The following SP6 variants were observed in gnomAD, a reference collection of about 807,000 sequenced individuals.
The protein encoded by SP6 is transcription factor Sp6.
Under a neutral mutation model 23.4 loss-of-function variants are expected in SP6, and 10 were observed. The ratio of observed to expected loss-of-function variants is 0.43; its 90% confidence interval spans 0.26 to 0.72. The LOEUF is 0.72. SP6 is among the 30% of genes least tolerant of loss of function. SP6 has a pLI of 0.23. For synonymous variants in SP6, 238 were observed against 238.7 expected, an observed-to-expected ratio of 1.00 and a Z score of 0.03; for missense variants, 482 against 523.8, an observed-to-expected ratio of 0.92 and a Z score of 0.78.
chr17:47,855,882 T>G (rs576382425), upstream of SP6: 2 of 152,250 alleles, frequency 1.3e-5, no homozygotes, highest in African/African-American at 4.8e-5. Flanking sequence ...GTCCGTGAGG[T>G]CTGCCAGGAA....
Position 47,847,686 on chromosome 17 carries a change from G to T in SP6, c.744C>A (p.Gly248=). ...RLGAPCGPDG[G]KKKHLHNCHI... Reference sequence around the variant, plus strand: ...GGCAGTTGTGCAAATGCTTCTTCTTGCCCCCATCGGGCCCACATGGAGCCC... The same window carrying T: ...GGCAGTTGTGCAAATGCTTCTTCTTTCCCCCATCGGGCCCACATGGAGCCC... Residue 248 remains glycine (G), a synonymous_variant, in exon 2 of 2, where the codon GGC becomes GGA. Transcript: ENST00000536300. The T allele has an allele frequency of 6.2e-7, 1 of 1,609,264 alleles. No individual in the cohort carries two copies. Among genetic ancestry groups the T allele is most frequent in the Non-Finnish European group, 8.5e-7 (1 of 1,177,460 alleles).
chr17:47,863,030 G>A, the SP6 span, among the ~76,000 whole-genome samples: 6 of 152,266 alleles, frequency 3.9e-5, no homozygotes, highest in Non-Finnish European at 7.3e-5. Context: ...GGCGCCCAGC[G>A]CCAAGCAGCG....
In SP6 at chr17:47,846,555, G is replaced by A. The variant is rs887346610; in HGVS notation, c.*744C>T. On this transcript the variant is annotated 3_prime_UTR_variant, in exon 2 of 2. Coordinates refer to ENST00000536300, the MANE Select transcript of SP6 (RefSeq NM_001258248.2). ...ATCCCTATCTCTCATTTTAGAAGAG[G>A]ACTTCCCTACTCGCCCCCTCCATCT... 3 of 152,162 alleles carry A rather than the reference G, an allele frequency of 2.0e-5. No homozygotes were observed. The highest frequency in any genetic ancestry group is 4.4e-5 in the Non-Finnish European group (3 of 68,020). The allele number at this position is 152,162 out of a possible 1,614,324, so 9.4% of individuals were successfully genotyped here.
In SP6 at chr17:47,848,839, T is replaced by C. The variant is rs1263082394; in HGVS notation, c.-57-353A>G. On this transcript the variant is annotated intron_variant, in intron 1 of 1. Coordinates refer to ENST00000536300, the MANE Select transcript of SP6 (RefSeq NM_001258248.2). The surrounding 1 kb of genome is among the most constrained non-coding windows in gnomAD (Gnocchi z 5.3). The stretch of plus-strand genomic sequence containing the variant: ...GCCAACACAAGGGGCAGTGGCATTT[T>C]CCCCCTGCAGACCTGCTGTCAGCCC... 1.3e-5 allele frequency among the ~76,000 whole-genome samples: 2 copies of C among 151,930 alleles called. No individual in the cohort carries two copies. The highest frequency in any genetic ancestry group is 2.9e-5 in the Non-Finnish European group (2 of 67,976).
the SP6 span, among the ~76,000 whole-genome samples, chr17:47,869,076 C>T: frequency 6.6e-6 from 1 of 152,208 alleles, no homozygotes; most frequent in Non-Finnish European, 1.5e-5. Context: ...ATATCTTGGC[C>T]CTGGGCTCCC....
upstream of SP6, among the ~76,000 whole-genome samples, chr17:47,858,112 C>T (rs887495907): frequency 2.6e-5 from 4 of 152,150 alleles, no homozygotes; most frequent in Admixed American, 6.5e-5. Context: ...CCTCCCGCCC[C>T]TAGCTGCTAA....
At chr17:47,870,250 C>A in the SP6 span, among the ~76,000 whole-genome samples, 1 of 152,192 alleles carries the variant, frequency 6.6e-6, no homozygotes, top group African/African-American at 2.4e-5. Context: ...TCTGCCCTAC[C>A]CCCACTATCT....
At chr17:47,868,325 T>C in the SP6 span, among the ~76,000 whole-genome samples, 2 of 152,230 alleles carry the variant, frequency 1.3e-5, no homozygotes, top group South Asian at 2.1e-4. Context: ...CCTGTACACA[T>C]GTGTTTACAA....
the SP6 span, among the ~76,000 whole-genome samples, chr17:47,872,098 A>G: frequency 6.6e-6 from 1 of 152,090 alleles, no homozygotes; most frequent in African/African-American, 2.4e-5. Context: ...GGGAAGAAAA[A>G]AAGAGAAGCT....
chr17:47,874,870 T>G, the SP6 span, among the ~76,000 whole-genome samples: 1 of 152,096 alleles, frequency 6.6e-6, no homozygotes, highest in East Asian at 1.9e-4. Context: ...ACTGTGTGTC[T>G]ACCATTAATA....
In SP6 at chr17:47,847,766, T is replaced by G. The variant is rs1425699099; in HGVS notation, c.664A>C (p.Ser222Arg). The G allele has an allele frequency of 1.9e-6, 3 of 1,557,266 alleles. No homozygotes were observed. Among genetic ancestry groups the G allele is most frequent in the African/African-American group, 2.7e-5 (2 of 73,330 alleles). The change falls in exon 2 of 2, where the codon AGC (serine) becomes CGC (arginine). Residue 222 changes from serine to arginine, a missense_variant. Physicochemically the swap from Ser to Arg is moderately radical, Grantham distance 110. This residue lies in a region of SP6 where 330 missense variants were observed against 332.3 expected (regional missense o/e 0.99). Coordinates refer to ENST00000536300, the MANE Select transcript of SP6 (RefSeq NM_001258248.2). The stretch of plus-strand genomic sequence containing the variant: ...CAGCGACAGACGGTCTGGCCTGAGC[T>G]GCGGGGCACCGACCGCCGGGAGCCT... The part of the protein sequence containing the change: ...PKGSRRSVPR[S>R]SGQTVCRCPN...
upstream of SP6, among the ~76,000 whole-genome samples, chr17:47,858,643 T>C (rs933354026): frequency 6.6e-6 from 1 of 152,198 alleles, no homozygotes; most frequent in East Asian, 1.9e-4. Context: ...GTGGAAATTC[T>C]GTGGAAGTGT....
the SP6 span, among the ~76,000 whole-genome samples, chr17:47,866,942 G>T: frequency 1.3e-5 from 2 of 151,964 alleles, no homozygotes; most frequent in Non-Finnish European, 2.9e-5. Flanking sequence ...GGCCAGGAGA[G>T]GATCGTGTCC....
chr17:47,865,712 C>G, the SP6 span, among the ~76,000 whole-genome samples: 2 of 152,128 alleles, frequency 1.3e-5, no homozygotes, highest in Non-Finnish European at 2.9e-5. Flanking sequence ...CACTGGGTTG[C>G]TCCAGTGAGC....
chr17:47,873,826 CCCTT>C, the SP6 span, among the ~76,000 whole-genome samples: 2 of 147,260 alleles, frequency 1.4e-5, no homozygotes, highest in Non-Finnish European at 3.0e-5. Context: ...CCTCCCTCCC[CCCTT>C]CCTTCCTTCT....
At chr17:47,855,844 T>A (rs1258992799), upstream of SP6, 1 of 152,136 alleles carries the variant, frequency 6.6e-6, no homozygotes, top group African/African-American at 2.4e-5. Flanking sequence ...CCAGCTCTCC[T>A]AGGGGAGTGG....
the SP6 span, among the ~76,000 whole-genome samples, chr17:47,874,686 G>A: frequency 6.6e-6 from 1 of 152,256 alleles, no homozygotes; most frequent in South Asian, 2.1e-4. Context: ...GGCTGGGAGA[G>A]CTCCTAAGTA....
upstream of SP6, among the ~76,000 whole-genome samples, chr17:47,853,806 C>A (rs1409652367): frequency 6.6e-6 from 1 of 152,210 alleles, no homozygotes; most frequent in East Asian, 1.9e-4. Flanking sequence ...TCTGGAAACT[C>A]CCAGCCATTC....
upstream of SP6, among the ~76,000 whole-genome samples, chr17:47,853,267 G>T (rs1024826504): frequency 3.9e-5 from 6 of 152,184 alleles, no homozygotes; most frequent in Non-Finnish European, 7.3e-5. Flanking sequence ...CTGGATCTTT[G>T]TGGCCATGGC....
Sources: gnomAD v4.1 joint callset for allele counts (sites outside exome capture counted in the v4.1 genomes callset) on GRCh38, gnomAD v4.1.1 for gene constraint, gnomAD v4.1.1 regional missense constraint, Gnocchi (gnomAD v3.1) non-coding constraint, MANE v1.5 for transcripts, NCBI Gene and HGNC (gene_info 2026-07-23, HGNC 2026-07-21) for gene names.